CARMIL1: variants seen among roughly 807,000 people sequenced by gnomAD.
The protein encoded by CARMIL1 is capping protein regulator and myosin 1 linker 1.
Under a neutral mutation model 177.1 loss-of-function variants are expected in CARMIL1, and 90 were observed. The ratio of observed to expected loss-of-function variants is 0.51; its 90% CI spans 0.43 to 0.61. CARMIL1 has a LOEUF of 0.61. Among genes scored for constraint, CARMIL1 ranks in the 20% least tolerant of loss-of-function variants. The probability of loss-of-function intolerance (pLI) is 0.00; values close to 1 mark genes in which losing one functional copy is unlikely to be tolerated. For synonymous variants in CARMIL1, 577 were observed against 606.2 expected, an observed-to-expected ratio of 0.95 and a Z score of 0.71; for missense variants, 1,380 against 1,667.0, an observed-to-expected ratio of 0.83 and a Z score of 3.00.
At chr6:25,528,410 G>A (rs564558036) in intron 23 of CARMIL1, among the ~76,000 whole-genome samples, 65 of 152,250 alleles carry the variant, frequency 4.3e-4, no homozygotes, top group Middle Eastern at 3.4e-3. Context: ...CTTATTCCTT[G>A]GGGATATTTA....
At chr6:25,492,134 G>A (rs942386764) in intron 15 of CARMIL1, 110 bp downstream of exon 15, 15 of 847,460 alleles carry the variant, frequency 1.8e-5, no homozygotes, top group Middle Eastern at 4.5e-4. Context: ...ATGAAAGAAG[G>A]CAGCCTTAAG....
chr6:25,595,797 A>G (rs981544092), intron 32 of CARMIL1, among the ~76,000 whole-genome samples: 37 of 152,284 alleles, frequency 2.4e-4, no homozygotes, highest in African/African-American at 8.9e-4. Flanking sequence ...CATATAGCAA[A>G]ATGGGAAATC....
intron 2 of CARMIL1, among the ~76,000 whole-genome samples, chr6:25,391,148 C>T (rs1012254758): frequency 1.3e-5 from 2 of 152,216 alleles, no homozygotes; most frequent in African/African-American, 2.4e-5. Flanking sequence ...TATTTGTACT[C>T]TACAAGAAAT....
chr6:25,441,850 TTTC>T (rs1014258502), intron 5 of CARMIL1, among the ~76,000 whole-genome samples: 41 of 152,246 alleles, frequency 2.7e-4, no homozygotes, highest in African/African-American at 8.9e-4. Context: ...GCCTTCAGCT[TTTC>T]TACTATCAAG....
At chr6:25,387,802 A>G (rs955761545) in intron 2 of CARMIL1, among the ~76,000 whole-genome samples, 1 of 152,220 alleles carries the variant, frequency 6.6e-6, no homozygotes, top group East Asian at 1.9e-4. Flanking sequence ...TATTTTCAGT[A>G]GAAGACTGAG....
intron 2 of CARMIL1, among the ~76,000 whole-genome samples, chr6:25,294,973 AG>A (rs1782275837): frequency 6.6e-6 from 1 of 152,176 alleles, no homozygotes; most frequent in African/African-American, 2.4e-5. Flanking sequence ...TCCTCCAGGC[AG>A]GGTGGGGAAC....
chr6:25,426,306 G>A (rs903476982), intron 3 of CARMIL1, among the ~76,000 whole-genome samples, 195 bp from the exon 4 acceptor site: 20 of 151,690 alleles, frequency 1.3e-4, no homozygotes, highest in African/African-American at 4.8e-4. Context: ...TCTGAAATTT[G>A]ATAAATCATG....
intron 3 of CARMIL1, among the ~76,000 whole-genome samples, chr6:25,425,677 T>G (rs937418213): frequency 3.9e-5 from 6 of 152,042 alleles, no homozygotes; most frequent in Non-Finnish European, 8.8e-5. Flanking sequence ...AGTGAAAGAC[T>G]GGGGATATTT....
intron 24 of CARMIL1, 137 bp from the exon 25 acceptor site, chr6:25,537,718 G>C: frequency 1.1e-6 from 1 of 940,748 alleles, no homozygotes; most frequent in African/African-American, 1.7e-5. Flanking sequence ...ACTCCAGTTA[G>C]AAGGGTTTGA....
chr6:25,556,907 T>G, intron 29 of CARMIL1, 57 bp downstream of exon 29: 3 of 1,453,792 alleles, frequency 2.1e-6, no homozygotes, highest in Non-Finnish European at 1.9e-6. Flanking sequence ...TGCCATTGTT[T>G]TTTTTTTTTT....
At chr6:25,395,164 G>A (rs1356008139) in intron 2 of CARMIL1, among the ~76,000 whole-genome samples, 2 of 152,166 alleles carry the variant, frequency 1.3e-5, no homozygotes, top group Non-Finnish European at 2.9e-5. Flanking sequence ...TGTAAGCATG[G>A]ACATATTTCT....
chr6:25,539,546 A>AC (rs1412781274), intron 25 of CARMIL1, among the ~76,000 whole-genome samples: 1 of 145,282 alleles, frequency 6.9e-6, no homozygotes, highest in Non-Finnish European at 1.5e-5. Flanking sequence ...AATCGCTTGA[A>AC]CCCGGGAGGC....
intron 28 of CARMIL1, 144 bp from the exon 29 acceptor site, chr6:25,556,557 C>A: frequency 1.6e-6 from 1 of 633,806 alleles, no homozygotes; most frequent in Non-Finnish European, 2.7e-6. Flanking sequence ...AGTTACTGTA[C>A]TGTGAATGTA....
At chr6:25,303,755 A>G (rs959354458) in intron 2 of CARMIL1, among the ~76,000 whole-genome samples, 3 of 152,268 alleles carry the variant, frequency 2.0e-5, no homozygotes, top group Non-Finnish European at 2.9e-5. Flanking sequence ...TGAACAACAC[A>G]TAATCACCCA....
intron 27 of CARMIL1, among the ~76,000 whole-genome samples, 193 bp downstream of exon 27, chr6:25,551,278 G>A (rs1169862709): frequency 3.3e-5 from 5 of 152,148 alleles, no homozygotes; most frequent in South Asian, 4.1e-4. Context: ...AGATGATCAC[G>A]TAAATGCCTG....
At chr6:25,285,002 G>A in intron 2 of CARMIL1, 93 bp downstream of exon 2, 1 of 767,380 alleles carries the variant, frequency 1.3e-6, no homozygotes. Flanking sequence ...CATTACTTCT[G>A]TGTTTTATAT....
chr6:25,408,651 A>C (rs1294558492), intron 2 of CARMIL1, among the ~76,000 whole-genome samples: 4 of 152,140 alleles, frequency 2.6e-5, no homozygotes, highest in Admixed American at 1.3e-4. Flanking sequence ...CCAGAATTCA[A>C]ACTGGGGTGG....
chr6:25,449,715 T>C (rs1798593168), intron 5 of CARMIL1, among the ~76,000 whole-genome samples, 183 bp from the exon 6 acceptor site: 2 of 152,250 alleles, frequency 1.3e-5, no homozygotes, highest in Admixed American at 6.5e-5. Context: ...TAGGGATTTA[T>C]TATGTTTTCT....
Position 25,554,237 on chromosome 6 carries a change from C to T in CARMIL1, c.2592+141C>T, listed in dbSNP as rs1810408724. ...ATGGTTTGTGATCTTGGTTTTCCTCCTTTCTCTTCTATGTTGCTTCTAGCC... is the reference window on the plus strand; with the variant it reads ...ATGGTTTGTGATCTTGGTTTTCCTCTTTTCTCTTCTATGTTGCTTCTAGCC... On this transcript the variant is annotated intron_variant, in intron 28 of 36. Transcript: ENST00000329474. The surrounding 1 kb of genome is among the most constrained non-coding windows in gnomAD (Gnocchi z 4.6). The T allele has an allele frequency of 4.6e-6, 3 of 648,732 alleles. No homozygotes were observed. The highest frequency in any genetic ancestry group is 2.0e-5 in the South Asian group (1 of 51,208). The allele number at this position is 648,732 out of a possible 1,614,324, so 40.2% of individuals were successfully genotyped here. A position where few individuals can be genotyped will look rare whatever the true frequency, so the allele number is the denominator to read the frequency against.
Sources: gnomAD v4.1 joint callset for allele counts (sites outside exome capture counted in the v4.1 genomes callset) on GRCh38, gnomAD v4.1.1 for gene constraint, Gnocchi (gnomAD v3.1) non-coding constraint, MANE v1.5 for transcripts, NCBI Gene and HGNC (gene_info 2026-07-23, HGNC 2026-07-21) for gene names.